Variants in CACNA2D1 observed in about 807,000 individuals in gnomAD.
CACNA2D1 encodes the protein voltage-dependent calcium channel subunit alpha-2/delta-1.
Under a neutral mutation model 171.5 loss-of-function variants are expected in CACNA2D1, and 53 were observed. The observed-to-expected ratio is 0.31, with a 90% CI of 0.25 to 0.39. The LOEUF (loss-of-function observed/expected upper bound fraction) is 0.39. Ranked by LOEUF, CACNA2D1 falls within the 10% of genes least tolerant of loss-of-function variation. The pLI is 1.00. For synonymous variants in CACNA2D1, 442 were observed against 443.1 expected, an observed-to-expected ratio of 1.00 and a Z score of 0.03; for missense variants, 903 against 1,299.8, an observed-to-expected ratio of 0.69 and a Z score of 4.69.
At chr7:82,183,618 A>G (rs1384202366) in intron 3 of CACNA2D1, among the ~76,000 whole-genome samples, 2 of 152,302 alleles carry the variant, frequency 1.3e-5, no homozygotes, top group Middle Eastern at 3.4e-3. Flanking sequence ...TTTTTTAGGA[A>G]TTTTTATAAA....
At chr7:82,084,696 G>T in intron 7 of CACNA2D1, 73 bp downstream of exon 7, 1 of 1,500,942 alleles carries the variant, frequency 6.7e-7, no homozygotes, top group South Asian at 1.1e-5. Flanking sequence ...TACAGTATCA[G>T]GGAAGATAAC....
intron 20 of CACNA2D1, among the ~76,000 whole-genome samples, chr7:81,992,643 G>GT (rs1797665789): frequency 6.6e-6 from 1 of 152,096 alleles, no homozygotes. Flanking sequence ...AAAAATGTAA[G>GT]TTTTTTCAAT....
chr7:82,276,218 T>C (rs1291471395), intron 3 of CACNA2D1, among the ~76,000 whole-genome samples: 1 of 152,218 alleles, frequency 6.6e-6, no homozygotes, highest in Non-Finnish European at 1.5e-5. Context: ...CATTAAAACA[T>C]CTTTCTATAT....
chr7:82,421,181 T>C (rs73388017), intron 1 of CACNA2D1, among the ~76,000 whole-genome samples: 1,629 of 152,294 alleles, frequency 0.011, 31 homozygotes, highest in African/African-American at 0.035. Context: ...AGACAGTTTC[T>C]GATGTTAGAA....
intron 5 of CACNA2D1, among the ~76,000 whole-genome samples, chr7:82,121,989 A>T (rs1789793815): frequency 1.3e-5 from 2 of 152,252 alleles, no homozygotes; most frequent in Admixed American, 1.3e-4. Context: ...GTGGCGAAAG[A>T]AAGGTGAAGA....
At chr7:82,083,969 AATTACCTAGC>A (rs1344664887) in intron 7 of CACNA2D1, among the ~76,000 whole-genome samples, 1 of 152,172 alleles carries the variant, frequency 6.6e-6, no homozygotes, top group African/African-American at 2.4e-5. Flanking sequence ...TTTAAAGCCA[AATTACCTAGC>A]ACGTATCCCA....
chr7:82,319,929 C>G (rs374310818), intron 3 of CACNA2D1, among the ~76,000 whole-genome samples: 3 of 152,170 alleles, frequency 2.0e-5, no homozygotes, highest in South Asian at 2.1e-4. Context: ...CGTCAGCTCC[C>G]GTAGAATACA....
intron 3 of CACNA2D1, among the ~76,000 whole-genome samples, chr7:82,314,953 C>A (rs149717608): frequency 9.2e-4 from 139 of 150,948 alleles, no homozygotes; most frequent in African/African-American, 3.2e-3. Context: ...ATCTCTCCTG[C>A]TCTAAAAGTT....
At chr7:82,232,988 C>T (rs1340281623) in intron 3 of CACNA2D1, among the ~76,000 whole-genome samples, 1 of 147,978 alleles carries the variant, frequency 6.8e-6, no homozygotes, top group Non-Finnish European at 1.5e-5. Flanking sequence ...AAACGAATTA[C>T]ACAGATACTC....
At chr7:82,011,378 T>C (rs892177889) in intron 15 of CACNA2D1, among the ~76,000 whole-genome samples, 2 of 152,162 alleles carry the variant, frequency 1.3e-5, no homozygotes, top group Admixed American at 1.3e-4. Flanking sequence ...ACAAGCTTGC[T>C]CTAGATGCCA....
intron 3 of CACNA2D1, among the ~76,000 whole-genome samples, chr7:82,205,015 A>G (rs552986279): frequency 6.6e-6 from 1 of 152,314 alleles, no homozygotes; most frequent in African/African-American, 2.4e-5. Context: ...TGTCAAAGGC[A>G]TAACTACCCT....
chr7:82,168,883 A>G (rs1303313810), intron 4 of CACNA2D1, among the ~76,000 whole-genome samples: 4 of 152,076 alleles, frequency 2.6e-5, no homozygotes, highest in East Asian at 3.9e-4. Context: ...TATAATCTAT[A>G]TATTTCAGAG....
Position 82,335,237 on chromosome 7 carries a change from A to G in CACNA2D1, c.192T>C (p.Tyr64=). The G allele has an allele frequency of 6.3e-7, 1 of 1,597,274 alleles. No individual in the cohort carries two copies. The highest frequency in any genetic ancestry group is 1.1e-5 in the South Asian group (1 of 90,624). The change falls in exon 3 of 39, where the codon TAT becomes TAC. Residue 64 remains tyrosine, a synonymous_variant. Transcript: ENST00000356860. ...VNQLVDIYEK[Y]QDLYTVEPNN... ...TTGGTTCCACAGTATACAAATCTTG[A>G]TATTTCTCATAAATCTGTGTGAAAG...
At chr7:82,439,470 T>C (rs901966624) in intron 1 of CACNA2D1, among the ~76,000 whole-genome samples, 2 of 151,842 alleles carry the variant, frequency 1.3e-5, no homozygotes, top group African/African-American at 4.8e-5. Context: ...CCACCTACTT[T>C]ATATTCAAAT....
intron 3 of CACNA2D1, among the ~76,000 whole-genome samples, chr7:82,203,177 GA>G (rs1799644584): frequency 1.3e-5 from 2 of 152,142 alleles, no homozygotes; most frequent in Non-Finnish European, 2.9e-5. Context: ...GCCACGTGTG[GA>G]GCTGACAATC....
chr7:82,116,385 A>G (rs568295198), intron 6 of CACNA2D1, among the ~76,000 whole-genome samples: 46 of 151,956 alleles, frequency 3.0e-4, no homozygotes, highest in Admixed American at 2.5e-3. Context: ...TTCCGCCACT[A>G]TTTTCCTAAA....
rs546423322 is a variant in CACNA2D1 at position 82,409,703 on chromosome 7, T to A, written c.95+33662A>T. On this transcript the variant is annotated intron_variant, in intron 1 of 38. Coordinates refer to ENST00000356860, the MANE Select transcript of CACNA2D1 (RefSeq NM_000722.4). ...CAATGTACAATGTGATTGCTGAGAG[T>A]TCCTGAGAAAATCATTGCCTAAGGT... Among the ~76,000 whole-genome samples, 157 of 152,238 alleles carry A rather than the reference T, an allele frequency of 1.0e-3. 5 individuals are homozygous for A. The highest frequency in any genetic ancestry group is 3.6e-3 in the African/African-American group (148 of 41,536).
chr7:82,376,219 C>T (rs1200959033), intron 1 of CACNA2D1, among the ~76,000 whole-genome samples: 2 of 152,064 alleles, frequency 1.3e-5, no homozygotes, highest in Admixed American at 1.3e-4. Flanking sequence ...ATCCGTCTTG[C>T]CATATGACTA....
At chr7:82,050,550 T>C in intron 10 of CACNA2D1, 1 of 702,340 alleles carries the variant, frequency 1.4e-6, no homozygotes, top group East Asian at 2.7e-5. Context: ...ACACTCATCC[T>C]CCCCTCCAGA....
Sources: allele counts gnomAD v4.1 joint callset (sites outside exome capture counted in the v4.1 genomes callset), GRCh38; gene constraint gnomAD v4.1.1; transcripts MANE v1.5; gene names NCBI Gene and HGNC (gene_info 2026-07-23, HGNC 2026-07-21).